CAMKMT: variants seen among roughly 807,000 people sequenced by gnomAD.
The protein encoded by CAMKMT is CaM KMT.
A neutral mutation model predicts 48.0 loss-of-function variants in CAMKMT; 53 were observed. The ratio of observed to expected loss-of-function variants is 1.10; its 90% CI spans 0.89 to 1.39. The LOEUF (loss-of-function observed/expected upper bound fraction) is 1.39. Ranked by LOEUF, CAMKMT falls within the 40% of genes most tolerant of loss-of-function variation. CAMKMT has a pLI of 0.00. For synonymous variants in CAMKMT, 165 were observed against 152.3 expected, an observed-to-expected ratio of 1.08 and a Z score of -0.61; for missense variants, 428 against 402.7, an observed-to-expected ratio of 1.06 and a Z score of -0.54.
intron 3 of CAMKMT, among the ~76,000 whole-genome samples, chr2:44,447,153 TTAATGTTCAGA>T (rs1462764186): frequency 6.6e-6 from 1 of 152,214 alleles, no homozygotes; most frequent in Non-Finnish European, 1.5e-5. Flanking sequence ...TTGTGCTTTG[TTAATGTTCAGA>T]TAAGGAAACT....
chr2:44,537,184 G>T (rs553606112), intron 3 of CAMKMT, among the ~76,000 whole-genome samples: 1 of 152,210 alleles, frequency 6.6e-6, no homozygotes, highest in South Asian at 2.1e-4. Flanking sequence ...AAACTAAAAA[G>T]CCTCTGCACA....
intron 3 of CAMKMT, among the ~76,000 whole-genome samples, chr2:44,580,621 G>C (rs1357310546): frequency 6.6e-6 from 1 of 152,150 alleles, no homozygotes; most frequent in Non-Finnish European, 1.5e-5. Flanking sequence ...AGTGTCAAAA[G>C]AATAGGGACA....
At chr2:44,500,165 A>G (rs561585056) in intron 3 of CAMKMT, among the ~76,000 whole-genome samples, 7 of 152,300 alleles carry the variant, frequency 4.6e-5, no homozygotes, top group African/African-American at 1.7e-4. Context: ...CTGTCCCTAC[A>G]TGTCTCTAGA....
chr2:44,609,272 A>C (rs1671467756), intron 3 of CAMKMT, among the ~76,000 whole-genome samples: 1 of 152,236 alleles, frequency 6.6e-6, no homozygotes, highest in African/African-American at 2.4e-5. Context: ...GAATAAGTTC[A>C]AGAGACATAC....
chr2:44,589,326 C>T lies in CAMKMT; in HGVS notation c.377-114957C>T, dbSNP rs1300736976. ...GAGGTGAGGGGCGCTTCTGCCCGGC[C>T]GCCCCTACTGGGAAGTGAGGAGCCC... On this transcript the variant is annotated intron_variant, in intron 3 of 10. Transcript: ENST00000378494. Among the ~76,000 whole-genome samples, 7 of 52,954 alleles carry T rather than the reference C, an allele frequency of 1.3e-4. 2 individuals carry two copies. Among genetic ancestry groups the T allele is most frequent in the African/African-American group, 2.4e-4 (3 of 12,732 alleles). The allele number at this position is 52,954 out of a possible 152,430, so 34.7% of individuals were successfully genotyped here.
In CAMKMT at chr2:44,721,176, A is replaced by G. The variant is rs539771497; in HGVS notation, c.623+5823A>G. Among the ~76,000 whole-genome samples, 15 of 152,260 alleles carry G rather than the reference A, an allele frequency of 9.9e-5. No individual in the cohort carries two copies. The South Asian group carries it at 3.1e-3, about 32-fold the overall frequency. On this transcript the variant is annotated intron_variant, in intron 7 of 10. Transcript: ENST00000378494. Reference sequence around the variant, plus strand: ...ATTTTATTGGATAAAAATATCCACCATGATTATTAAATAATAGGCATCTTT... The same window carrying G: ...ATTTTATTGGATAAAAATATCCACCGTGATTATTAAATAATAGGCATCTTT...
intron 7 of CAMKMT, among the ~76,000 whole-genome samples, chr2:44,731,929 A>G (rs1166332821): frequency 6.6e-6 from 1 of 152,134 alleles, no homozygotes; most frequent in Non-Finnish European, 1.5e-5. Flanking sequence ...TAGGTTTGGC[A>G]TGTCCATAGC....
intron 3 of CAMKMT, among the ~76,000 whole-genome samples, chr2:44,611,970 A>G (rs1572916563): frequency 6.6e-6 from 1 of 152,072 alleles, no homozygotes; most frequent in African/African-American, 2.4e-5. Context: ...CATGATTCAA[A>G]CACCTCCCAC....
chr2:44,635,058 G>A (rs777483372), intron 3 of CAMKMT, among the ~76,000 whole-genome samples: 1 of 152,176 alleles, frequency 6.6e-6, no homozygotes, highest in African/African-American at 2.4e-5. Context: ...GGATGACAGA[G>A]TGGGACACTG....
rs1183340213 is a variant in CAMKMT at position 44,743,607 on chromosome 2, C to CT, written c.624-10dup. On this transcript the variant is annotated splice_polypyrimidine_tract_variant and intron_variant, in intron 7 of 10. Coordinates refer to ENST00000378494, the MANE Select transcript of CAMKMT (RefSeq NM_024766.5). ...AAACCCTATGTATAATTTTTAAAAT[C>CT]TTTTTCTCCTCAAGCGTTTTACGAT... 1 of 1,590,672 alleles carries CT rather than the reference C, an allele frequency of 6.3e-7. No individual in the cohort carries two copies. The highest frequency in any genetic ancestry group is 2.2e-5 in the East Asian group (1 of 44,702).
rs534936282 is a variant in CAMKMT, at chr2:44,535,159, A to G, written c.376+144854A>G. ...CTTTAAAACCTTAAGGAAATGCATAAATTCTGGGGCATACAACCTACCAAG... is the reference window on the plus strand; with the variant it reads ...CTTTAAAACCTTAAGGAAATGCATAGATTCTGGGGCATACAACCTACCAAG... On this transcript the variant is annotated intron_variant, in intron 3 of 10. Transcript: ENST00000378494. 1.3e-3 allele frequency among the ~76,000 whole-genome samples: 200 copies of G among 152,310 alleles called. 1 individual carries two copies. Among genetic ancestry groups the G allele is most frequent in the African/African-American group, 4.6e-3 (191 of 41,568 alleles).
At chr2:44,448,430 C>T (rs910613474) in intron 3 of CAMKMT, among the ~76,000 whole-genome samples, 89 of 152,154 alleles carry the variant, frequency 5.8e-4, no homozygotes, top group Non-Finnish European at 8.4e-4. Context: ...AATGGTGCTG[C>T]GTGAGAATTT....
At chr2:44,503,151 C>T (rs1670088232) in intron 3 of CAMKMT, among the ~76,000 whole-genome samples, 1 of 152,052 alleles carries the variant, frequency 6.6e-6, no homozygotes, top group East Asian at 1.9e-4. Flanking sequence ...TTCCCATATT[C>T]CATATTTCTT....
At chr2:44,388,250 G>T (rs1007432095) in intron 2 of CAMKMT, among the ~76,000 whole-genome samples, 1 of 152,084 alleles carries the variant, frequency 6.6e-6, no homozygotes, top group Non-Finnish European at 1.5e-5. Context: ...TGAAGATCTT[G>T]TTCTTGAGCT....
At chr2:44,611,636 T>C (rs1010302104) in intron 3 of CAMKMT, among the ~76,000 whole-genome samples, 6 of 152,058 alleles carry the variant, frequency 3.9e-5, no homozygotes, top group Non-Finnish European at 8.8e-5. Flanking sequence ...AAGCATGGTG[T>C]ATTAGGCCAT....
At chr2:44,649,760 G>C (rs572908996) in intron 3 of CAMKMT, among the ~76,000 whole-genome samples, 1 of 152,170 alleles carries the variant, frequency 6.6e-6, no homozygotes, top group Non-Finnish European at 1.5e-5. Flanking sequence ...ACCCATTCCT[G>C]CTCTCCTGTC....
At chr2:44,497,845 C>G (rs975234899) in intron 3 of CAMKMT, among the ~76,000 whole-genome samples, 4 of 152,008 alleles carry the variant, frequency 2.6e-5, no homozygotes, top group African/African-American at 9.7e-5. Flanking sequence ...AATTCAGACA[C>G]CTGCCGGGCA....
chr2:44,769,661 T>C (rs187162407), intron 10 of CAMKMT, among the ~76,000 whole-genome samples: 12 of 152,030 alleles, frequency 7.9e-5, no homozygotes, highest in African/African-American at 2.9e-4. Context: ...TTTTTTTTTA[T>C]AAACTTTCGC....
chr2:44,768,361 A>ATATATATATATATATATATTTTTTTT (rs35058824), intron 10 of CAMKMT, among the ~76,000 whole-genome samples: 1 of 115,742 alleles, frequency 8.6e-6, no homozygotes, highest in African/African-American at 3.7e-5. Flanking sequence ...ATATATATAT[A>ATATATATATATATATATATTTTTTTT]TTTTTTTTTT....
Sources: allele counts gnomAD v4.1 joint callset (sites outside exome capture counted in the v4.1 genomes callset), GRCh38; gene constraint gnomAD v4.1.1; transcripts MANE v1.5; gene names NCBI Gene and HGNC (gene_info 2026-07-23, HGNC 2026-07-21).